HSPA4: variants seen among roughly 807,000 people sequenced by gnomAD.
HSPA4 encodes the protein heat shock 70 kDa protein 4.
Under a neutral mutation model 106.2 loss-of-function variants are expected in HSPA4, and 25 were observed. The observed-to-expected ratio is 0.24, with a 90% CI of 0.17 to 0.33. HSPA4 has a LOEUF of 0.33. HSPA4 is among the 10% of genes least tolerant of loss of function. The pLI is 1.00. For missense variants in HSPA4, 841 were observed against 996.0 expected (o/e 0.84, Z 2.10); for synonymous variants, 332 against 333.6 (o/e 1.00, Z 0.05).
rs890431523 is a variant in HSPA4, at chr5:133,053,216, G to A, written c.107+859G>A. Among the ~76,000 whole-genome samples the A allele has an allele frequency of 2.0e-5, 3 of 152,178 alleles. No individual in the cohort carries two copies. In the East Asian group the frequency reaches 5.8e-4, roughly 29 times the overall value. ...TGGTGGGTCACTCAGGTCTTTCACT[G>A]GTTACAGTGTCTGCCTTTTGAATAC... On this transcript the variant is annotated intron_variant, in intron 1 of 18. Transcript: ENST00000304858.
rs753159469 is a variant in HSPA4, at chr5:133,089,702, A to G, written c.1378+7A>G. On this transcript the variant is annotated splice_region_variant and intron_variant, in intron 11 of 18. Transcript: ENST00000304858. Reference sequence around the variant, plus strand: ...TATCCAGATCCTGCTATAGGTAAGTAAAGAGTTGGAAATTAAAAAAGAAAA... The same window carrying G: ...TATCCAGATCCTGCTATAGGTAAGTGAAGAGTTGGAAATTAAAAAAGAAAA... 2.6e-6 allele frequency: 4 copies of G among 1,531,790 alleles called. No homozygotes were observed. Among genetic ancestry groups the G allele is most frequent in the East Asian group, 2.3e-5 (1 of 43,606 alleles). The allele number at this position is 1,531,790 out of a possible 1,614,324, so 94.9% of individuals were successfully genotyped here.
intron 15 of HSPA4, among the ~76,000 whole-genome samples, chr5:133,098,855 T>G (rs1434894559): frequency 1.3e-5 from 2 of 151,080 alleles, no homozygotes; most frequent in Non-Finnish European, 2.9e-5. Flanking sequence ...GTATTTTTAG[T>G]AGAGACGGGG....
Position 133,099,630 on chromosome 5 carries a change from T to C in HSPA4, c.2015T>C (p.Val672Ala), listed in dbSNP as rs757094131. Residue 672 changes from valine to alanine, a missense_variant, in exon 16 of 19, where the codon GTT becomes GCT. Coordinates refer to ENST00000304858, the MANE Select transcript of HSPA4 (RefSeq NM_002154.4). ...DGEDQPKQVY[V>A]DKLAELKNLG... ...GAAGACCAGCCAAAGCAAGTTTATG[T>C]TGATAAGTTGGCTGAATTAAAAGTA... 17 of 1,593,862 alleles carry C rather than the reference T, an allele frequency of 1.1e-5. No individual in the cohort carries two copies. Among genetic ancestry groups the C allele is most frequent in the Non-Finnish European group, 1.5e-5 (17 of 1,163,518 alleles).
chr5:133,099,089 T>C (rs151210984), intron 15 of HSPA4, among the ~76,000 whole-genome samples: 92 of 152,270 alleles, frequency 6.0e-4, no homozygotes, highest in African/African-American at 2.1e-3. Context: ...ACATTTGCCA[T>C]CCTTGTTTTC....
intron 3 of HSPA4, among the ~76,000 whole-genome samples, chr5:133,069,742 A>G (rs146781918): frequency 4.6e-5 from 7 of 152,380 alleles, no homozygotes; most frequent in Non-Finnish European, 1.0e-4. Context: ...AGTTTCTACC[A>G]GCAGCCTCTT....
chr5:133,064,550 C>T (rs1299533623), intron 1 of HSPA4, among the ~76,000 whole-genome samples: 1 of 151,868 alleles, frequency 6.6e-6, no homozygotes, highest in Non-Finnish European at 1.5e-5. Context: ...AGAAAAATTA[C>T]TTTTTTACTT....
intron 7 of HSPA4, among the ~76,000 whole-genome samples, chr5:133,078,906 G>A (rs1170653798): frequency 1.3e-5 from 2 of 151,892 alleles, no homozygotes; most frequent in African/African-American, 4.8e-5. Context: ...GCTAATTTTT[G>A]TATTTTTTGT....
At chr5:133,077,013 C>A in intron 7 of HSPA4, 115 bp downstream of exon 7, 1 of 1,028,810 alleles carries the variant, frequency 9.7e-7, no homozygotes, top group Non-Finnish European at 1.4e-6. Flanking sequence ...AATTTTGGTT[C>A]TATTTTAAAA....
intron 16 of HSPA4, among the ~76,000 whole-genome samples, chr5:133,100,710 T>C (rs1055054498): frequency 6.6e-6 from 1 of 152,174 alleles, no homozygotes; most frequent in Non-Finnish European, 1.5e-5. Context: ...CATGAAAGAA[T>C]TACATAAAAT....
At chr5:133,098,859 G>A (rs1397301722) in intron 15 of HSPA4, among the ~76,000 whole-genome samples, 1 of 150,768 alleles carries the variant, frequency 6.6e-6, no homozygotes, top group Non-Finnish European at 1.5e-5. Context: ...TTTTAGTAGA[G>A]ACGGGGTTTC....
chr5:133,070,589 A>C, intron 4 of HSPA4, 93 bp downstream of exon 4: 3 of 1,439,656 alleles, frequency 2.1e-6, no homozygotes, highest in Non-Finnish European at 2.9e-6. Flanking sequence ...TTTTTGTCTC[A>C]GGTTGTAATG....
chr5:133,078,732 ATTG>A (rs138706006), intron 7 of HSPA4, among the ~76,000 whole-genome samples: 3,423 of 149,264 alleles, frequency 0.023, 129 homozygotes, highest in African/African-American at 0.076. Context: ...TAGTGTGATT[ATTG>A]TTGTTGTTAT....
intron 5 of HSPA4, among the ~76,000 whole-genome samples, chr5:133,073,662 C>G (rs746693999): frequency 2.0e-5 from 3 of 152,136 alleles, no homozygotes; most frequent in Non-Finnish European, 4.4e-5. Context: ...CATTAAGCAG[C>G]ATCTCATGGA....
intron 2 of HSPA4, among the ~76,000 whole-genome samples, chr5:133,066,913 A>G (rs776386848): frequency 6.6e-6 from 1 of 151,736 alleles, no homozygotes; most frequent in Non-Finnish European, 1.5e-5. Context: ...ACAGCGTTTC[A>G]CCATGTTGGT....
chr5:133,104,146 G>A, intron 18 of HSPA4, 87 bp from the exon 19 acceptor site: 1 of 1,435,988 alleles, frequency 7.0e-7, no homozygotes, highest in South Asian at 1.2e-5. Context: ...AGGATTGGGT[G>A]GTGGGAGAGG....
At chr5:133,071,341 G>A (rs1030083356) in intron 4 of HSPA4, among the ~76,000 whole-genome samples, 2 of 147,928 alleles carry the variant, frequency 1.4e-5, no homozygotes, top group Non-Finnish European at 3.0e-5. Flanking sequence ...CACACCTGTA[G>A]TCCCAGCTAC....
chr5:133,082,074 A>G (rs947349960), intron 7 of HSPA4, among the ~76,000 whole-genome samples: 1 of 152,206 alleles, frequency 6.6e-6, no homozygotes, highest in South Asian at 2.1e-4. Context: ...TGTTCATACA[A>G]TGGGATATTT....
At chr5:133,098,525 G>A (rs1765743793) in intron 15 of HSPA4, among the ~76,000 whole-genome samples, 1 of 149,834 alleles carries the variant, frequency 6.7e-6, no homozygotes, top group African/African-American at 2.5e-5. Context: ...GGGTTTCACC[G>A]TGTTAGCCAG....
rs112014979 is a variant in HSPA4, at chr5:133,074,212, A to G, written c.663+86A>G. 0.017 allele frequency: 14,324 copies of G among 840,780 alleles called. 168 individuals are homozygous for G. The highest frequency in any genetic ancestry group is 0.033 in the Middle Eastern group (96 of 2,890). 52.1% of individuals were successfully genotyped at this position (840,780 alleles called of 1,614,324 possible). ...AGACAATGATTTTTTCTCATCTACA[A>G]TATGGGAGAAACAATGCATACCTTA... On this transcript the variant is annotated intron_variant, in intron 6 of 18. Coordinates refer to ENST00000304858, the MANE Select transcript of HSPA4 (RefSeq NM_002154.4).
Sources: allele counts gnomAD v4.1 joint callset (sites outside exome capture counted in the v4.1 genomes callset), GRCh38; gene constraint gnomAD v4.1.1; transcripts MANE v1.5; gene names NCBI Gene and HGNC (gene_info 2026-07-23, HGNC 2026-07-21).